ITGA1: variants seen among roughly 807,000 people sequenced by gnomAD.
The protein encoded by ITGA1 is integrin subunit alpha 1.
Under a neutral mutation model 145.9 loss-of-function variants are expected in ITGA1, and 85 were observed. The ratio of observed to expected loss-of-function variants is 0.58; its 90% confidence interval spans 0.49 to 0.70. The LOEUF is 0.70. Ranked by LOEUF, ITGA1 falls within the 30% of genes least tolerant of loss-of-function variation. ITGA1 has a pLI of 0.00. For synonymous variants in ITGA1, 520 were observed against 495.3 expected (o/e 1.05, Z -0.66); for missense variants, 1,351 against 1,418.7 (o/e 0.95, Z 0.77).
chr5:52,789,274 C>G (rs1367470134), intron 1 of ITGA1, among the ~76,000 whole-genome samples: 2 of 151,934 alleles, frequency 1.3e-5, no homozygotes, highest in Non-Finnish European at 2.9e-5. Flanking sequence ...GAAAGTGTAT[C>G]GATAGAATCT....
intron 19 of ITGA1, 101 bp from the exon 20 acceptor site, chr5:52,927,483 G>A: frequency 1.4e-6 from 1 of 720,080 alleles, no homozygotes; most frequent in Non-Finnish European, 2.4e-6. Flanking sequence ...AAAAATAGTG[G>A]CAAGGCAGTC....
Position 52,959,113 on chromosome 5 carries a change from TTC to T in ITGA1, c.*6664_*6665del, listed in dbSNP as rs1009910323. ...TCAGAGCTTTGGTATTTTTGTATAA[TTC>T]TGTCTTATCTGGTGCATCAGCTGTG... On this transcript the variant is annotated 3_prime_UTR_variant, in exon 29 of 29. Coordinates refer to ENST00000282588, the MANE Select transcript of ITGA1 (RefSeq NM_181501.2). The T allele has an allele frequency of 6.6e-6, 1 of 152,168 alleles. No individual in the cohort carries two copies. Among genetic ancestry groups the T allele is most frequent in the African/African-American group, 2.4e-5 (1 of 41,450 alleles). The allele number at this position is 152,168 out of a possible 1,614,324, so 9.4% of individuals were successfully genotyped here. A position where few individuals can be genotyped will look rare whatever the true frequency, so the allele number is the denominator to read the frequency against.
intron 6 of ITGA1, among the ~76,000 whole-genome samples, chr5:52,879,491 T>C (rs1351138): frequency 0.42 from 63,154 of 152,054 alleles, 13,916 homozygotes; most frequent in African/African-American, 0.56. Context: ...CAAAGACATG[T>C]GTATCCATGG....
chr5:52,826,555 T>C (rs1234777606), intron 1 of ITGA1, among the ~76,000 whole-genome samples: 1 of 152,202 alleles, frequency 6.6e-6, no homozygotes, highest in Admixed American at 6.5e-5. Flanking sequence ...TCTAGGACTT[T>C]CATAGCTAGA....
At chr5:52,943,546 G>T (rs1751084310) in intron 26 of ITGA1, among the ~76,000 whole-genome samples, 1 of 152,200 alleles carries the variant, frequency 6.6e-6, no homozygotes, top group South Asian at 2.1e-4. Context: ...GTTTGCAGGG[G>T]TGCTCTGCAG....
chr5:52,815,130 A>G (rs1344879923), intron 1 of ITGA1, among the ~76,000 whole-genome samples: 1 of 152,226 alleles, frequency 6.6e-6, no homozygotes, highest in Admixed American at 6.5e-5. Context: ...AAATATATCC[A>G]GATTTCCTGC....
chr5:52,945,072 T>G (rs1249480559), intron 27 of ITGA1, 37 bp downstream of exon 27: 1 of 1,430,050 alleles, frequency 7.0e-7, no homozygotes, highest in Admixed American at 1.7e-5. Context: ...ATTATGCATT[T>G]CACTCTGAAT....
chr5:52,899,369 G>A (rs961706807), intron 11 of ITGA1, among the ~76,000 whole-genome samples: 1 of 152,162 alleles, frequency 6.6e-6, no homozygotes, highest in Non-Finnish European at 1.5e-5. Context: ...AAAGCTGTAG[G>A]AGCAGCAGGA....
chr5:52,952,856 T>C lies in ITGA1; in HGVS notation c.*405T>C, dbSNP rs1179110425. ...CCTTGATTCCTGTTGGATATCCATG[T>C]TCAGCATGACAGTCAGCACTCGTAA... On this transcript the variant is annotated 3_prime_UTR_variant, in exon 29 of 29. Coordinates refer to ENST00000282588, the MANE Select transcript of ITGA1 (RefSeq NM_181501.2). 6.6e-6 allele frequency: 1 copy of C among 152,622 alleles called. No homozygotes were observed. Among genetic ancestry groups the C allele is most frequent in the East Asian group, 1.9e-4 (1 of 5,232 alleles). 9.5% of individuals were successfully genotyped at this position (152,622 alleles called of 1,614,324 possible).
intron 15 of ITGA1, among the ~76,000 whole-genome samples, chr5:52,916,865 A>AGGGT (rs1579719032): frequency 1.3e-5 from 2 of 152,218 alleles, no homozygotes; most frequent in African/African-American, 2.4e-5. Context: ...ATATGTTTTC[A>AGGGT]GGGTTTTTAT....
Position 52,887,983 on chromosome 5 carries a change from G to T in ITGA1, c.924+18G>T, listed in dbSNP as rs1366430239. 5 of 1,606,048 alleles carry T rather than the reference G, an allele frequency of 3.1e-6. No individual in the cohort carries two copies. The East Asian group carries it at 8.9e-5, about 29-fold the overall frequency. ...CCATAGCTGTAAGTGTGTTGCCGGAGATATTTTCAAACTCTTAGGTGTAGA... is the reference window on the plus strand; with the variant it reads ...CCATAGCTGTAAGTGTGTTGCCGGATATATTTTCAAACTCTTAGGTGTAGA... On this transcript the variant is annotated intron_variant, in intron 8 of 28. Coordinates refer to ENST00000282588, the MANE Select transcript of ITGA1 (RefSeq NM_181501.2).
intron 7 of ITGA1, among the ~76,000 whole-genome samples, chr5:52,884,308 G>A (rs184815135): frequency 1.5e-3 from 224 of 152,100 alleles, no homozygotes; most frequent in African/African-American, 4.9e-3. Context: ...TTAGCCGGGC[G>A]TGGTGGTGGG....
rs182060183 is a variant in ITGA1, at chr5:52,916,856, T to G, written c.1988+1262T>G. On this transcript the variant is annotated intron_variant, in intron 15 of 28. Coordinates refer to ENST00000282588, the MANE Select transcript of ITGA1 (RefSeq NM_181501.2). ...ATTGTATTAATTCTCATATTAAAAATATGTTTTCAGGGTTTTTATGCTCCA... is the reference window on the plus strand; with the variant it reads ...ATTGTATTAATTCTCATATTAAAAAGATGTTTTCAGGGTTTTTATGCTCCA... Among the ~76,000 whole-genome samples the G allele has an allele frequency of 2.5e-4, 38 of 152,300 alleles. No individual in the cohort carries two copies. The East Asian group carries it at 6.9e-3, about 28-fold the overall frequency.
intron 24 of ITGA1, among the ~76,000 whole-genome samples, chr5:52,938,789 C>T (rs1165605889): frequency 1.3e-5 from 2 of 152,086 alleles, no homozygotes; most frequent in African/African-American, 2.4e-5. Flanking sequence ...AGTGTCCTAT[C>T]CTTGGTGTGT....
chr5:52,870,353 C>G (rs1749759342), intron 6 of ITGA1, among the ~76,000 whole-genome samples: 1 of 151,998 alleles, frequency 6.6e-6, no homozygotes, highest in Non-Finnish European at 1.5e-5. Context: ...GAAAGATTAC[C>G]CAGAGGAGGG....
At chr5:52,868,772 A>T (rs1410481168) in intron 6 of ITGA1, among the ~76,000 whole-genome samples, 2 of 152,334 alleles carry the variant, frequency 1.3e-5, no homozygotes, top group East Asian at 3.9e-4. Context: ...TGTCGTTTAC[A>T]TTATCTTCTG....
rs1750041775 is a variant in ITGA1, at chr5:52,886,076, C to G, written c.774-1739C>G. On this transcript the variant is annotated intron_variant, in intron 7 of 28. Coordinates refer to ENST00000282588, the MANE Select transcript of ITGA1 (RefSeq NM_181501.2). ...AGGGATTTCCACTAAATTGATTAAGCCAGATTCTTGCTTAAACTGGACTAA... is the reference window on the plus strand; with the variant it reads ...AGGGATTTCCACTAAATTGATTAAGGCAGATTCTTGCTTAAACTGGACTAA... 2.0e-5 allele frequency among the ~76,000 whole-genome samples: 3 copies of G among 152,196 alleles called. No homozygotes were observed. In the South Asian group the frequency reaches 6.2e-4, roughly 32 times the overall value.
rs1751283676 is a variant in ITGA1 at position 52,955,130 on chromosome 5, A to G, written c.*2679A>G. On this transcript the variant is annotated 3_prime_UTR_variant, in exon 29 of 29. Transcript: ENST00000282588. ...GACCAAACTACAATGGTATATTGGTAAATTATTTAACAACACACTGTCCAG... is the reference window on the plus strand; with the variant it reads ...GACCAAACTACAATGGTATATTGGTGAATTATTTAACAACACACTGTCCAG... 1 of 149,722 alleles carries G rather than the reference A, an allele frequency of 6.7e-6. No homozygotes were observed. The highest frequency in any genetic ancestry group is 1.5e-5 in the Non-Finnish European group (1 of 67,548). 9.3% of individuals were successfully genotyped at this position (149,722 alleles called of 1,614,324 possible). A position where few individuals can be genotyped will look rare whatever the true frequency, so the allele number is the denominator to read the frequency against.
intron 7 of ITGA1, among the ~76,000 whole-genome samples, chr5:52,883,104 TTACC>T (rs1379344169): frequency 6.6e-6 from 1 of 152,170 alleles, no homozygotes; most frequent in Non-Finnish European, 1.5e-5. Context: ...AATTGGACAT[TTACC>T]TACCTATTGG....
Sources: allele counts gnomAD v4.1 joint callset (sites outside exome capture counted in the v4.1 genomes callset), GRCh38; gene constraint gnomAD v4.1.1; transcripts MANE v1.5; gene names NCBI Gene and HGNC (gene_info 2026-07-23, HGNC 2026-07-21).